REC114: variants seen among roughly 807,000 people sequenced by gnomAD.
The protein encoded by REC114 is REC114 meiotic recombination protein, also known as meiotic recombination protein REC114.
REC114 carries 27 observed loss-of-function variants against 31.3 expected under a neutral mutation model. That is an observed-to-expected ratio of 0.86 (90% CI 0.64 to 1.19). The LOEUF (loss-of-function observed/expected upper bound fraction) is 1.19. Ranked by LOEUF, REC114 falls within the 50% of genes most tolerant of loss-of-function variation. The pLI is 0.00. For synonymous variants in REC114, 134 were observed against 127.7 expected (o/e 1.05, Z -0.33); for missense variants, 344 against 326.9 (o/e 1.05, Z -0.40).
At chr15:73,508,975 G>A (rs1176985432) in intron 2 of REC114, among the ~76,000 whole-genome samples, 17 of 150,192 alleles carry the variant, frequency 1.1e-4, no homozygotes, top group African/African-American at 3.2e-4. Context: ...TGGGATGGCT[G>A]GGTCAAATGG....
At chr15:73,453,551 G>A (rs1892879893) in intron 1 of REC114, among the ~76,000 whole-genome samples, 1 of 152,192 alleles carries the variant, frequency 6.6e-6, no homozygotes, top group South Asian at 2.1e-4. Context: ...CATTGTGGAA[G>A]ACAGTGTGGC....
chr15:73,486,387 T>C (rs548993333), intron 2 of REC114, among the ~76,000 whole-genome samples: 10 of 152,208 alleles, frequency 6.6e-5, no homozygotes, highest in Non-Finnish European at 8.8e-5. Context: ...TGAGCCACTG[T>C]ACCCGGCCAC....
intron 3 of REC114, among the ~76,000 whole-genome samples, chr15:73,545,567 C>A (rs1450616804): frequency 6.6e-6 from 1 of 152,078 alleles, no homozygotes; most frequent in Non-Finnish European, 1.5e-5. Context: ...AGATGATAAG[C>A]TCAAATTCTA....
intron 5 of REC114, among the ~76,000 whole-genome samples, chr15:73,558,927 A>G (rs1894522551): frequency 6.6e-6 from 1 of 152,254 alleles, no homozygotes; most frequent in African/African-American, 2.4e-5. Flanking sequence ...ACAGATAACC[A>G]AACTGTGGCA....
chr15:73,499,360 C>T (rs149887000), intron 2 of REC114, among the ~76,000 whole-genome samples: 1 of 152,156 alleles, frequency 6.6e-6, no homozygotes, highest in African/African-American at 2.4e-5. Context: ...AAGTCAAGTA[C>T]TTATTCACCA....
intron 2 of REC114, among the ~76,000 whole-genome samples, chr15:73,498,530 C>A (rs1893558887): frequency 6.6e-6 from 1 of 152,168 alleles, no homozygotes; most frequent in Non-Finnish European, 1.5e-5. Flanking sequence ...GATTTCCTGA[C>A]TTCAGCAGTT....
chr15:73,491,186 T>A (rs1389684747), intron 2 of REC114, among the ~76,000 whole-genome samples: 1 of 147,196 alleles, frequency 6.8e-6, no homozygotes, highest in Non-Finnish European at 1.5e-5. Context: ...ATTATCTTAA[T>A]TTTGTGTATT....
chr15:73,469,604 A>T, intron 1 of REC114, among the ~76,000 whole-genome samples: 1 of 140,608 alleles, frequency 7.1e-6, no homozygotes, highest in Non-Finnish European at 1.5e-5. Flanking sequence ...TAATTTTTAC[A>T]TTTTCTGTAG....
intron 2 of REC114, among the ~76,000 whole-genome samples, chr15:73,478,389 AAATT>A (rs1477778860): frequency 6.6e-6 from 1 of 152,052 alleles, no homozygotes; most frequent in East Asian, 1.9e-4. Flanking sequence ...TCATTGTTTA[AAATT>A]AATTTGCTAA....
intron 2 of REC114, among the ~76,000 whole-genome samples, chr15:73,476,645 T>C (rs1449317423): frequency 6.6e-6 from 1 of 152,252 alleles, no homozygotes; most frequent in Non-Finnish European, 1.5e-5. Flanking sequence ...ATATGTAGTC[T>C]TTTCAGTTGG....
At chr15:73,446,741 A>G (rs1892769804) in intron 1 of REC114, among the ~76,000 whole-genome samples, 1 of 152,208 alleles carries the variant, frequency 6.6e-6, no homozygotes, top group Non-Finnish European at 1.5e-5. Flanking sequence ...TCTGGTGCTT[A>G]GAGAATAAGG....
At chr15:73,541,061 C>G (rs1056939546) in intron 3 of REC114, among the ~76,000 whole-genome samples, 5 of 152,062 alleles carry the variant, frequency 3.3e-5, no homozygotes, top group African/African-American at 1.2e-4. Flanking sequence ...ACTATGAAAA[C>G]CAATCTGTTA....
intron 1 of REC114, among the ~76,000 whole-genome samples, chr15:73,447,947 T>C (rs1892790320): frequency 6.6e-6 from 1 of 152,116 alleles, no homozygotes; most frequent in Admixed American, 6.5e-5. Flanking sequence ...CTGGGAGGAA[T>C]GGTGCACAGA....
intron 2 of REC114, among the ~76,000 whole-genome samples, chr15:73,520,723 C>A (rs1893926219): frequency 6.6e-6 from 1 of 152,134 alleles, no homozygotes; most frequent in Non-Finnish European, 1.5e-5. Context: ...CCTTATTTTT[C>A]CTGGTTCTCT....
intron 2 of REC114, among the ~76,000 whole-genome samples, chr15:73,486,167 G>A (rs555402218): frequency 3.3e-5 from 5 of 151,922 alleles, no homozygotes; most frequent in East Asian, 1.9e-4. Flanking sequence ...GCGCAATCTC[G>A]GCTCACTGCA....
intron 4 of REC114, among the ~76,000 whole-genome samples, chr15:73,554,481 T>C (rs1363460407): frequency 6.6e-6 from 1 of 152,250 alleles, no homozygotes; most frequent in Non-Finnish European, 1.5e-5. Flanking sequence ...CTATTTCAAG[T>C]TCTTGAGTCA....
intron 3 of REC114, among the ~76,000 whole-genome samples, chr15:73,542,167 T>C (rs7172130): frequency 0.18 from 26,545 of 151,282 alleles, 3,768 homozygotes; most frequent in African/African-American, 0.39. Context: ...CCCATCTTTT[T>C]TAAAAATACA....
At position 73,496,351 on chromosome 15, in the gene REC114, C is replaced by CAAAAAAA. The variant is rs539098846; in HGVS notation, c.249+22451_249+22457dup. On this transcript the variant is annotated intron_variant, in intron 2 of 5. Transcript: ENST00000331090. ...CTGGTGACAGAGCAAGACTCCTTCTCAAAAAAAAAAAAAAAAAAAAAAAAA... is the reference window on the plus strand; with the variant it reads ...CTGGTGACAGAGCAAGACTCCTTCTCAAAAAAAAAAAAAAAAAAAAAAAAAAAAAAAA... Among the ~76,000 whole-genome samples the CAAAAAAA allele has an allele frequency of 9.8e-5, 2 of 20,508 alleles. 1 individual carries two copies. The highest frequency in any genetic ancestry group is 3.0e-4 in the African/African-American group (2 of 6,718). The allele number at this position is 20,508 out of a possible 152,430, so 13.5% of individuals were successfully genotyped here.
chr15:73,505,237 AG>A (rs1893658973), intron 2 of REC114, among the ~76,000 whole-genome samples: 1 of 152,194 alleles, frequency 6.6e-6, no homozygotes, highest in Non-Finnish European at 1.5e-5. Flanking sequence ...CATGTATAAA[AG>A]TTTTAAACCT....
Sources: gnomAD v4.1 joint callset for allele counts (sites outside exome capture counted in the v4.1 genomes callset) on GRCh38, gnomAD v4.1.1 for gene constraint, MANE v1.5 for transcripts, NCBI Gene and HGNC (gene_info 2026-07-23, HGNC 2026-07-21) for gene names.